CHST8: variants seen among roughly 807,000 people sequenced by gnomAD.
CHST8 encodes the protein GALNAC-4-ST1.
CHST8 carries 10 observed loss-of-function variants against 15.0 expected under a neutral mutation model. That is an observed-to-expected ratio of 0.67 (90% CI 0.41 to 1.13). CHST8 has a LOEUF of 1.13. Ranked by LOEUF, CHST8 falls within the 50% of genes most tolerant of loss-of-function variation. The pLI is 0.00. For missense variants in CHST8, 634 were observed against 608.2 expected, an observed-to-expected ratio of 1.04 and a Z score of -0.45; for synonymous variants, 259 against 256.6, an observed-to-expected ratio of 1.01 and a Z score of -0.09.
At chr19:33,763,275 G>C (rs1348386457) in intron 3 of CHST8, among the ~76,000 whole-genome samples, 1 of 152,216 alleles carries the variant, frequency 6.6e-6, no homozygotes, top group Non-Finnish European at 1.5e-5. Flanking sequence ...GCTCTGGTCT[G>C]AGCCAAAGGT....
intron 3 of CHST8, among the ~76,000 whole-genome samples, chr19:33,699,705 G>A (rs1412956328): frequency 2.0e-5 from 3 of 152,154 alleles, no homozygotes; most frequent in Admixed American, 1.3e-4. Flanking sequence ...TGGAGGCAGC[G>A]CTGTGTTGAT....
Position 33,640,813 on chromosome 19 carries a change from C to T in CHST8, c.-164+18517C>T, listed in dbSNP as rs117231062. Among the ~76,000 whole-genome samples, 181 of 152,250 alleles carry T rather than the reference C, an allele frequency of 1.2e-3. No individual in the cohort carries two copies. In the East Asian group the frequency reaches 0.031, roughly 26 times the overall value. On this transcript the variant is annotated intron_variant, in intron 1 of 4. Transcript: ENST00000650847. ...TCCAGCGAAGTGGGGTGCTCCACGA[C>T]GCCTCCCTGCTGGCCCCTGGGTGAT...
intron 3 of CHST8, among the ~76,000 whole-genome samples, chr19:33,725,881 TG>T (rs1973887609): frequency 1.3e-5 from 2 of 152,180 alleles, no homozygotes. Flanking sequence ...TCTAGGTGGC[TG>T]GTATTTTGGG....
At chr19:33,661,990 C>T (rs1972592645) in intron 1 of CHST8, among the ~76,000 whole-genome samples, 1 of 151,846 alleles carries the variant, frequency 6.6e-6, no homozygotes, top group Non-Finnish European at 1.5e-5. Context: ...GAGATGGGAT[C>T]GCACCACTGC....
intron 2 of CHST8, among the ~76,000 whole-genome samples, chr19:33,670,583 A>C (rs1214344327): frequency 6.6e-6 from 1 of 152,150 alleles, no homozygotes; most frequent in Non-Finnish European, 1.5e-5. Context: ...TCCCTTCTTG[A>C]TGAATGCTTA....
In CHST8 at chr19:33,666,578, C is replaced by T. The variant is rs117921776; in HGVS notation, c.-163-1189C>T. 4.9e-4 allele frequency among the ~76,000 whole-genome samples: 74 copies of T among 152,108 alleles called. No homozygotes were observed. The East Asian group carries it at 8.7e-3, about 18-fold the overall frequency. ...GGCTGGGCATCAGGGAAGAGGGTGC[C>T]GGGAGAGGTGGGAGAGTGGGAGGAG... On this transcript the variant is annotated intron_variant, in intron 1 of 4. Coordinates refer to ENST00000650847, the MANE Select transcript of CHST8 (RefSeq NM_001127895.2).
intron 3 of CHST8, among the ~76,000 whole-genome samples, chr19:33,744,967 T>A (rs1974284549): frequency 6.6e-6 from 1 of 152,164 alleles, no homozygotes; most frequent in South Asian, 2.1e-4. Flanking sequence ...CAGGGTGGTC[T>A]CGAACTCCTG....
intron 1 of CHST8, among the ~76,000 whole-genome samples, chr19:33,627,091 C>CT (rs140038966): frequency 0.24 from 24,314 of 103,338 alleles, 3,182 homozygotes; most frequent in Middle Eastern, 0.4. Context: ...TGCCTGTCCT[C>CT]TTTTTTTGGG....
chr19:33,637,522 C>T (rs369222063), intron 1 of CHST8, among the ~76,000 whole-genome samples: 131 of 151,572 alleles, frequency 8.6e-4, no homozygotes, highest in African/African-American at 2.8e-3. Flanking sequence ...CCTGCCTCAG[C>T]CTTCCCAGCA....
intron 1 of CHST8, among the ~76,000 whole-genome samples, chr19:33,623,960 C>G (rs1371372957): frequency 6.6e-6 from 1 of 152,156 alleles, no homozygotes; most frequent in East Asian, 1.9e-4. Context: ...AATGTTGGTT[C>G]CAGTGGGACT....
intron 3 of CHST8, among the ~76,000 whole-genome samples, chr19:33,707,640 C>T (rs372168127): frequency 6.6e-5 from 10 of 152,168 alleles, no homozygotes; most frequent in East Asian, 3.9e-4. Flanking sequence ...CATGGAATTG[C>T]GGTTGATCTG....
intron 3 of CHST8, among the ~76,000 whole-genome samples, chr19:33,720,231 C>A (rs920159712): frequency 1.3e-5 from 2 of 151,890 alleles, no homozygotes; most frequent in Admixed American, 1.3e-4. Flanking sequence ...CACATACACA[C>A]CCCATACCCC....
chr19:33,641,070 GGATGGGC>G (rs1173248676), intron 1 of CHST8, among the ~76,000 whole-genome samples: 2 of 152,310 alleles, frequency 1.3e-5, no homozygotes, highest in East Asian at 3.9e-4. Context: ...AGCACCTATG[GGATGGGC>G]TGAGTCCTCA....
chr19:33,682,649 C>T (rs1308128150), intron 2 of CHST8, among the ~76,000 whole-genome samples: 2 of 152,234 alleles, frequency 1.3e-5, no homozygotes, highest in Non-Finnish European at 2.9e-5. Flanking sequence ...TGGAATTATA[C>T]AGTATTTGTC....
At chr19:33,768,562 A>G (rs1974900793) in intron 3 of CHST8, among the ~76,000 whole-genome samples, 1 of 151,926 alleles carries the variant, frequency 6.6e-6, no homozygotes, top group Non-Finnish European at 1.5e-5. Context: ...AGTAATTTTC[A>G]TGTCTCAGCC....
At chr19:33,692,541 A>C (rs1259099426) in intron 3 of CHST8, among the ~76,000 whole-genome samples, 1 of 152,192 alleles carries the variant, frequency 6.6e-6, no homozygotes, top group Non-Finnish European at 1.5e-5. Context: ...CTACAAAAAA[A>C]AATAAATAAA....
intron 3 of CHST8, among the ~76,000 whole-genome samples, chr19:33,695,146 C>T (rs1056437014): frequency 1.3e-4 from 20 of 151,994 alleles, no homozygotes; most frequent in Admixed American, 1.3e-3. Context: ...AGGATCTTAC[C>T]ATGTTGCCCA....
At chr19:33,752,410 A>G (rs1271184599) in intron 3 of CHST8, among the ~76,000 whole-genome samples, 1 of 147,518 alleles carries the variant, frequency 6.8e-6, no homozygotes, top group African/African-American at 2.5e-5. Flanking sequence ...CTGATCCGCC[A>G]CATAAGATTC....
chr19:33,640,794 G>A (rs902945629), intron 1 of CHST8, among the ~76,000 whole-genome samples: 3 of 152,098 alleles, frequency 2.0e-5, no homozygotes, highest in South Asian at 2.1e-4. Flanking sequence ...TCCTTCCAGC[G>A]AAGTGGGGTG....
Sources: allele counts gnomAD v4.1 joint callset (sites outside exome capture counted in the v4.1 genomes callset), GRCh38; gene constraint gnomAD v4.1.1; transcripts MANE v1.5; gene names NCBI Gene and HGNC (gene_info 2026-07-23, HGNC 2026-07-21).